The following CD276 variants were observed in gnomAD, a reference collection of about 807,000 sequenced individuals.
CD276 encodes CD276 molecule.
A neutral mutation model predicts 50.0 loss-of-function variants in CD276; 34 were observed. The observed-to-expected ratio is 0.68, with a 90% CI of 0.52 to 0.91. The LOEUF (loss-of-function observed/expected upper bound fraction) is 0.91, where lower values mean the gene tolerates loss of function less well. Among genes scored for constraint, CD276 ranks in the 40% least tolerant of loss-of-function variants. The pLI is 0.00. For missense variants in CD276, 634 were observed against 717.5 expected, an observed-to-expected ratio of 0.88 and a Z score of 1.33; for synonymous variants, 275 against 313.0, an observed-to-expected ratio of 0.88 and a Z score of 1.28.
In CD276 at chr15:73,711,618, C is replaced by T. The variant is rs558670093; in HGVS notation, c.1582+448C>T. 44 of 173,538 alleles carry T rather than the reference C, an allele frequency of 2.5e-4. No individual in the cohort carries two copies. The South Asian group carries it at 5.6e-3, about 22-fold the overall frequency. 10.7% of individuals were successfully genotyped at this position (173,538 alleles called of 1,614,324 possible). A position where few individuals can be genotyped will look rare whatever the true frequency, so the allele number is the denominator to read the frequency against. ...GAGTGGAAGTAGCCTGCATCACTTCCGCTTACATTCCATTGGTCAGAACCC... is the reference window on the plus strand; with the variant it reads ...GAGTGGAAGTAGCCTGCATCACTTCTGCTTACATTCCATTGGTCAGAACCC... On this transcript the variant is annotated intron_variant, in intron 9 of 9. Transcript: ENST00000318443.
At chr15:73,711,894 C>T (rs1900917341) in intron 9 of CD276, 1 of 152,290 alleles carries the variant, frequency 6.6e-6, no homozygotes, top group Non-Finnish European at 1.5e-5. Flanking sequence ...GTACTTCACA[C>T]CTGTAATCTC....
rs367831718 is a variant in CD276 at position 73,703,609 on chromosome 15, A to G, written c.734-50A>G. ...GTTTGGGGGACTCGGGTGGTAGCCT[A>G]GAGAGTCCCATTTCTCCTCACCACC... On this transcript the variant is annotated intron_variant, in intron 4 of 9. Transcript: ENST00000318443. The G allele has an allele frequency of 3.1e-4, 443 of 1,425,094 alleles. 4 individuals are homozygous for G. The South Asian group carries it at 5.3e-3, about 17-fold the overall frequency. 88.3% of individuals were successfully genotyped at this position (1,425,094 alleles called of 1,614,324 possible).
At chr15:73,700,890 T>TG (rs1900353730) in intron 2 of CD276, among the ~76,000 whole-genome samples, 4 of 3,710 alleles carry the variant, frequency 1.1e-3, no homozygotes, top group Non-Finnish European at 2.4e-3. Flanking sequence ...CTTCCCCTCC[T>TG]CCCCTCCTCC....
At chr15:73,701,836 A>G (rs544397675) in intron 2 of CD276, among the ~76,000 whole-genome samples, 1 of 152,348 alleles carries the variant, frequency 6.6e-6, no homozygotes, top group East Asian at 1.9e-4. Flanking sequence ...AATTTATAAC[A>G]TTACTTACGC....
rs753990511 is a variant in CD276 at position 73,704,430 on chromosome 15, C to A, written c.1327C>A (p.Pro443Thr). The change falls in exon 6 of 10, where the codon CCC becomes ACC. Residue 443 changes from proline (P) to threonine (T), a missense_variant. Pro to Thr is a conservative substitution (Grantham distance 38, BLOSUM62 -1). Transcript: ENST00000318443. This position sits in a 1 kb window ranked among gnomAD's most constrained non-coding sequence, Gnocchi z 4.1. ...NGTYSCLVRNPVLQQDAHGSV... is the reference protein window; with the variant it reads ...NGTYSCLVRNTVLQQDAHGSV... ...CACCTACAGCTGCCTGGTGCGCAAC[C>A]CCGTGCTGCAGCAGGATGCGCACGG... 6.2e-7 allele frequency: 1 copy of A among 1,613,800 alleles called. No homozygotes were observed. The highest frequency in any genetic ancestry group is 8.5e-7 in the Non-Finnish European group (1 of 1,180,026).
chr15:73,697,308 C>T (rs1900215056), intron 1 of CD276, among the ~76,000 whole-genome samples: 1 of 151,286 alleles, frequency 6.6e-6, no homozygotes, highest in South Asian at 2.1e-4. Context: ...GGCCAGGATG[C>T]ACATGGTTTG....
At chr15:73,701,725 G>C (rs574066697) in intron 2 of CD276, among the ~76,000 whole-genome samples, 4 of 151,742 alleles carry the variant, frequency 2.6e-5, no homozygotes, top group African/African-American at 9.7e-5. Flanking sequence ...TGTTTCGTTA[G>C]GAAAAGAAAA....
At chr15:73,708,741 A>G in intron 7 of CD276, 7 of 494,448 alleles carry the variant, frequency 1.4e-5, no homozygotes, top group South Asian at 4.2e-5. Flanking sequence ...CAAGTGCTAC[A>G]AAGGGATGAG....
intron 8 of CD276, 34 bp downstream of exon 8, chr15:73,709,723 G>A (rs749883476): frequency 6.2e-7 from 1 of 1,601,550 alleles, no homozygotes. Flanking sequence ...CCTCTTGGCT[G>A]GGAGAGGGAC....
At chr15:73,710,805 C>T (rs1900866764) in intron 8 of CD276, among the ~76,000 whole-genome samples, 1 of 152,184 alleles carries the variant, frequency 6.6e-6, no homozygotes, top group South Asian at 2.1e-4. Flanking sequence ...TGCCAGCCTC[C>T]TTTAGCTTCT....
At chr15:73,686,778 CG>C (rs1899784655) in intron 1 of CD276, among the ~76,000 whole-genome samples, 1 of 152,078 alleles carries the variant, frequency 6.6e-6, no homozygotes, top group Admixed American at 6.5e-5. Flanking sequence ...GTTGCACATA[CG>C]GGGTTTGGGG....
At chr15:73,693,573 G>A (rs1900062617) in intron 1 of CD276, among the ~76,000 whole-genome samples, 1 of 151,436 alleles carries the variant, frequency 6.6e-6, no homozygotes, top group Non-Finnish European at 1.5e-5. Flanking sequence ...AGCAATGAGT[G>A]TGAGTGACTT....
intron 2 of CD276, 85 bp from the exon 3 acceptor site, chr15:73,702,170 G>C: frequency 9.0e-7 from 1 of 1,108,492 alleles, no homozygotes; most frequent in Non-Finnish European, 1.3e-6. Flanking sequence ...ACAGGGCCTG[G>C]GGTTAGCAGG....
At chr15:73,690,043 C>G (rs760074778) in intron 1 of CD276, among the ~76,000 whole-genome samples, 1 of 152,194 alleles carries the variant, frequency 6.6e-6, no homozygotes, top group African/African-American at 2.4e-5. Flanking sequence ...AAAACAGTAG[C>G]AAACTCTCAC....
chr15:73,702,250 C>T lies in CD276; in HGVS notation c.80-5C>T, dbSNP rs567574544. On this transcript the variant is annotated splice_region_variant and splice_polypyrimidine_tract_variant and intron_variant, in intron 2 of 9. Coordinates refer to ENST00000318443, the MANE Select transcript of CD276 (RefSeq NM_001024736.2). The stretch of plus-strand genomic sequence containing the variant: ...TTATATGTTCTCCACTCCCCCTACC[C>T]CCAGGAGCCCTGGAGGTCCAGGTCC... 6.2e-7 allele frequency: 1 copy of T among 1,601,612 alleles called. No homozygotes were observed. The highest frequency in any genetic ancestry group is 8.5e-7 in the Non-Finnish European group (1 of 1,173,966).
chr15:73,713,461 A>C lies in CD276; in HGVS notation c.*505A>C, dbSNP rs1418477180. Reference sequence around the variant, plus strand: ...TCAGCCCTGCTTCCACCTGCATAGAATCTTTTCTTCTCAGACAGGGACAGT... The same window carrying C: ...TCAGCCCTGCTTCCACCTGCATAGACTCTTTTCTTCTCAGACAGGGACAGT... On this transcript the variant is annotated 3_prime_UTR_variant, in exon 10 of 10. Transcript: ENST00000318443. The C allele has an allele frequency of 3.6e-6, 1 of 278,822 alleles. No individual in the cohort carries two copies. Among genetic ancestry groups the C allele is most frequent in the Non-Finnish European group, 6.9e-6 (1 of 145,978 alleles). 17.3% of individuals were successfully genotyped at this position (278,822 alleles called of 1,614,324 possible).
chr15:73,690,194 G>C lies in CD276; in HGVS notation c.-55+5734G>C, dbSNP rs565373766. ...TTCATTCGTTCACTCATTGAATCGT[G>C]CATTGAGAACCCATTATGTGCCAAG... is the stretch of plus-strand genomic sequence containing the variant. On this transcript the variant is annotated intron_variant, in intron 1 of 9. Coordinates refer to ENST00000318443, the MANE Select transcript of CD276 (RefSeq NM_001024736.2). 1.1e-3 allele frequency among the ~76,000 whole-genome samples: 166 copies of C among 152,288 alleles called. 1 individual carries two copies. Among genetic ancestry groups the C allele is most frequent in the African/African-American group, 3.6e-3 (149 of 41,558 alleles).
chr15:73,703,233 G>T (rs1450322664), intron 4 of CD276, 147 bp downstream of exon 4: 3 of 1,028,160 alleles, frequency 2.9e-6, no homozygotes, highest in Non-Finnish European at 4.2e-6. Flanking sequence ...GGGAGGTGGG[G>T]ATGTTCACTG....
At position 73,703,664 on chromosome 15, in the gene CD276, G is replaced by A. The variant is rs760479536; in HGVS notation, c.739G>A (p.Val247Met). 13 of 1,607,310 alleles carry A rather than the reference G, an allele frequency of 8.1e-6. No homozygotes were observed. The highest frequency in any genetic ancestry group is 1.7e-4 in the Middle Eastern group (1 of 6,054). The change falls in exon 5 of 10, where the codon GTG becomes ATG. Residue 247 changes from valine to methionine, a missense_variant. By Grantham distance (21) the Val-to-Met change is conservative (BLOSUM62 1). Coordinates refer to ENST00000318443, the MANE Select transcript of CD276 (RefSeq NM_001024736.2). Reference protein sequence around the residue: ...ITPQRSPTGAVEVQVPEDPVV... With the variant: ...ITPQRSPTGAMEVQVPEDPVV... ...CCCTCTGACCCCGCCCCCAGGAGCC[G>A]TGGAGGTCCAGGTCCCTGAGGACCC...
Sources: gnomAD v4.1 joint callset for allele counts (sites outside exome capture counted in the v4.1 genomes callset) on GRCh38, gnomAD v4.1.1 for gene constraint, Gnocchi (gnomAD v3.1) non-coding constraint, MANE v1.5 for transcripts, NCBI Gene and HGNC (gene_info 2026-07-23, HGNC 2026-07-21) for gene names.